Variants in MAPK8 observed in about 807,000 individuals in gnomAD.
The protein encoded by MAPK8 is JUN N-terminal kinase.
A neutral mutation model predicts 52.9 loss-of-function variants in MAPK8; 13 were observed. The observed-to-expected ratio is 0.25, with a 90% CI of 0.16 to 0.39. MAPK8 has a LOEUF of 0.39. Ranked by LOEUF, MAPK8 falls within the 10% of genes least tolerant of loss-of-function variation. MAPK8 has a pLI of 1.00. For missense variants in MAPK8, 300 were observed against 519.2 expected (o/e 0.58, Z 4.10); for synonymous variants, 191 against 169.8 (o/e 1.12, Z -0.97).
chr10:48,423,987 G>A (rs184121887), intron 6 of MAPK8, 101 bp from the exon 7 acceptor site: 23 of 677,670 alleles, frequency 3.4e-5, no homozygotes, highest in Admixed American at 1.7e-4. Flanking sequence ...TTTTCTTTTC[G>A]TGACGTTTTG....
chr10:48,339,816 AATC>A (rs1222437193), intron 1 of MAPK8, among the ~76,000 whole-genome samples: 1 of 152,220 alleles, frequency 6.6e-6, no homozygotes, highest in Non-Finnish European at 1.5e-5. Flanking sequence ...CAACATCACT[AATC>A]ATCAGAGAAA....
intron 1 of MAPK8, among the ~76,000 whole-genome samples, chr10:48,380,467 G>A (rs547040695): frequency 3.7e-4 from 55 of 149,042 alleles, no homozygotes; most frequent in Admixed American, 2.2e-3. Context: ...CGTGGTGGCT[G>A]ACACCTGTAA....
chr10:48,374,780 T>C (rs1292909317), intron 1 of MAPK8, among the ~76,000 whole-genome samples: 1 of 152,140 alleles, frequency 6.6e-6, no homozygotes, highest in African/African-American at 2.4e-5. Flanking sequence ...CAGGACCAGA[T>C]GGATTCACAG....
chr10:48,383,611 A>C (rs1460252029), intron 1 of MAPK8, among the ~76,000 whole-genome samples: 1 of 152,114 alleles, frequency 6.6e-6, no homozygotes, highest in African/African-American at 2.4e-5. Context: ...ACACATGATA[A>C]GATTTATCTC....
intron 1 of MAPK8, among the ~76,000 whole-genome samples, chr10:48,318,927 G>A (rs1842743661): frequency 6.6e-6 from 1 of 152,194 alleles, no homozygotes; most frequent in South Asian, 2.1e-4. Context: ...TGAGTCAAAT[G>A]GAGGACGTAC....
At chr10:48,343,639 G>A (rs1469578736) in intron 1 of MAPK8, among the ~76,000 whole-genome samples, 2 of 152,194 alleles carry the variant, frequency 1.3e-5, no homozygotes, top group Non-Finnish European at 2.9e-5. Flanking sequence ...AGTAGCCTCA[G>A]AGAGTGGAAG....
At chr10:48,412,188 G>A (rs1046786899) in intron 5 of MAPK8, among the ~76,000 whole-genome samples, 2 of 152,136 alleles carry the variant, frequency 1.3e-5, no homozygotes, top group African/African-American at 4.8e-5. Flanking sequence ...TATTTGTTTT[G>A]CCATGGCTTC....
At chr10:48,353,884 CAG>C (rs888533273) in intron 1 of MAPK8, among the ~76,000 whole-genome samples, 27 of 152,082 alleles carry the variant, frequency 1.8e-4, no homozygotes, top group African/African-American at 6.5e-4. Flanking sequence ...GTTATGGGAA[CAG>C]AGAGGGAAGT....
chr10:48,347,946 G>A (rs778561993), intron 1 of MAPK8, among the ~76,000 whole-genome samples: 1 of 152,094 alleles, frequency 6.6e-6, no homozygotes, highest in Non-Finnish European at 1.5e-5. Context: ...TGGTGTTTCT[G>A]GTTCTACATC....
intron 1 of MAPK8, among the ~76,000 whole-genome samples, chr10:48,343,453 C>T (rs749523402): frequency 6.6e-6 from 1 of 152,194 alleles, no homozygotes; most frequent in Non-Finnish European, 1.5e-5. Flanking sequence ...TTAATGACAT[C>T]TGCCAAAATT....
In MAPK8 at chr10:48,435,089, C is replaced by T; in HGVS notation, c.*60C>T. The T allele has an allele frequency of 7.8e-7, 1 of 1,282,930 alleles. No homozygotes were observed. Among genetic ancestry groups the T allele is most frequent in the Middle Eastern group, 2.4e-4 (1 of 4,166 alleles). 79.5% of individuals were successfully genotyped at this position (1,282,930 alleles called of 1,614,324 possible). On this transcript the variant is annotated 3_prime_UTR_variant, in exon 12 of 12. Coordinates refer to ENST00000374189, the MANE Select transcript of MAPK8 (RefSeq NM_001323329.2). ...AGTCGGTTAGTCATTGATAGAACTA[C>T]TTTGAAAACAATTCAGTGGTCTTAT...
At chr10:48,335,224 G>GT (rs1316037897) in intron 1 of MAPK8, among the ~76,000 whole-genome samples, 1 of 151,854 alleles carries the variant, frequency 6.6e-6, no homozygotes, top group Non-Finnish European at 1.5e-5. Context: ...TTAAATTGTC[G>GT]TTTTCCATCA....
At chr10:48,406,813 A>T (rs1418252222) in intron 3 of MAPK8, among the ~76,000 whole-genome samples, 1 of 152,174 alleles carries the variant, frequency 6.6e-6, no homozygotes, top group South Asian at 2.1e-4. Context: ...CACACTTTGA[A>T]AGTGACCTAG....
At chr10:48,387,717 T>C (rs2132811812) in intron 1 of MAPK8, among the ~76,000 whole-genome samples, 1 of 152,312 alleles carries the variant, frequency 6.6e-6, no homozygotes, top group South Asian at 2.1e-4. Flanking sequence ...CTCTCTTAGT[T>C]TGTACATGTC....
intron 1 of MAPK8, among the ~76,000 whole-genome samples, chr10:48,355,377 C>T (rs1589047935): frequency 1.3e-5 from 2 of 151,556 alleles, no homozygotes; most frequent in Non-Finnish European, 3.0e-5. Flanking sequence ...GGTGTAGTGG[C>T]GGGTGCCTGT....
At chr10:48,319,896 G>C (rs1319372902) in intron 1 of MAPK8, among the ~76,000 whole-genome samples, 2 of 151,642 alleles carry the variant, frequency 1.3e-5, no homozygotes, top group Non-Finnish European at 2.9e-5. Context: ...TCATGTATCA[G>C]TACTTCGTTT....
intron 7 of MAPK8, chr10:48,424,652 G>C: frequency 9.5e-7 from 1 of 1,055,080 alleles, no homozygotes; most frequent in Non-Finnish European, 1.4e-6. Context: ...CTTCAGTTTG[G>C]TCAGGTATAA....
intron 1 of MAPK8, among the ~76,000 whole-genome samples, chr10:48,354,959 C>T (rs891435011): frequency 6.6e-6 from 1 of 152,000 alleles, no homozygotes; most frequent in Non-Finnish European, 1.5e-5. Flanking sequence ...AAATAAAATT[C>T]TAAGTAAGTA....
intron 1 of MAPK8, among the ~76,000 whole-genome samples, chr10:48,319,918 T>TC (rs1401871991): frequency 2.0e-5 from 3 of 151,744 alleles, no homozygotes; most frequent in African/African-American, 7.3e-5. Context: ...TGTTTTTTTT[T>TC]CTTTTCTTTT....
Sources: gnomAD v4.1 joint callset for allele counts (sites outside exome capture counted in the v4.1 genomes callset) on GRCh38, gnomAD v4.1.1 for gene constraint, MANE v1.5 for transcripts, NCBI Gene and HGNC (gene_info 2026-07-23, HGNC 2026-07-21) for gene names.